The following CNTNAP2 variants were observed in gnomAD, a reference collection of about 807,000 sequenced individuals.
CNTNAP2 encodes the protein contactin associated protein 2.
Under a neutral mutation model 155.2 loss-of-function variants are expected in CNTNAP2, and 98 were observed. The ratio of observed to expected loss-of-function variants is 0.63; its 90% CI spans 0.54 to 0.75. The LOEUF (loss-of-function observed/expected upper bound fraction) is 0.75, where lower values mean the gene tolerates loss of function less well. Ranked by LOEUF, CNTNAP2 falls within the 30% of genes least tolerant of loss-of-function variation. The pLI is 0.00. For missense variants in CNTNAP2, 1,727 were observed against 1,688.1 expected (o/e 1.02, Z -0.40); for synonymous variants, 651 against 631.2 (o/e 1.03, Z -0.47).
At chr7:147,201,136 T>G (rs1379985421) in intron 8 of CNTNAP2, among the ~76,000 whole-genome samples, 1 of 152,172 alleles carries the variant, frequency 6.6e-6, no homozygotes, top group East Asian at 1.9e-4. Context: ...GTTTTGAGGG[T>G]CAGAGAGAGG....
chr7:146,971,847 G>A (rs1016404487), intron 3 of CNTNAP2, among the ~76,000 whole-genome samples: 1 of 152,102 alleles, frequency 6.6e-6, no homozygotes, highest in African/African-American at 2.4e-5. Flanking sequence ...TACAATATAT[G>A]AATTTTGCAT....
intron 11 of CNTNAP2, among the ~76,000 whole-genome samples, chr7:147,537,635 G>A (rs12703926): frequency 0.19 from 29,029 of 151,872 alleles, 3,326 homozygotes; most frequent in South Asian, 0.29. Flanking sequence ...CAATATAAGC[G>A]TGACTTAATT....
chr7:146,846,404 GA>G (rs34258208), intron 3 of CNTNAP2, among the ~76,000 whole-genome samples: 43,140 of 150,368 alleles, frequency 0.29, 6,181 homozygotes, highest in African/African-American at 0.33. Context: ...AACTTGTATA[GA>G]AAAAAAAACA....
chr7:147,051,619 C>T (rs1264086832), intron 4 of CNTNAP2, among the ~76,000 whole-genome samples: 1 of 152,048 alleles, frequency 6.6e-6, no homozygotes, highest in Non-Finnish European at 1.5e-5. Context: ...CTAAGAGACA[C>T]AGAGGTAAGA....
chr7:146,721,035 ATATATTCTATATATATACTC>A (rs1269080442), intron 1 of CNTNAP2, among the ~76,000 whole-genome samples: 5 of 133,574 alleles, frequency 3.7e-5, no homozygotes, highest in Admixed American at 7.8e-5. Context: ...TATATACTCT[ATATATTCTATATATATACTC>A]TATATTCTAT....
chr7:147,926,926 T>C (rs1800407291), intron 14 of CNTNAP2, among the ~76,000 whole-genome samples: 1 of 152,222 alleles, frequency 6.6e-6, no homozygotes, highest in African/African-American at 2.4e-5. Flanking sequence ...TAATTTAAAT[T>C]ATTTATAATT....
At chr7:146,237,252 G>C (rs986132171) in intron 1 of CNTNAP2, among the ~76,000 whole-genome samples, 1 of 152,126 alleles carries the variant, frequency 6.6e-6, no homozygotes, top group Non-Finnish European at 1.5e-5. Context: ...ATACAAAAGG[G>C]AATGTTCTCA....
At chr7:146,252,926 A>T (rs1216633144) in intron 1 of CNTNAP2, among the ~76,000 whole-genome samples, 1 of 152,172 alleles carries the variant, frequency 6.6e-6, no homozygotes, top group Admixed American at 6.5e-5. Flanking sequence ...GGCAAAAGCA[A>T]GGACTCCTGC....
intron 1 of CNTNAP2, among the ~76,000 whole-genome samples, chr7:146,611,274 C>T (rs1475133180): frequency 2.0e-5 from 3 of 152,078 alleles, no homozygotes; most frequent in South Asian, 2.1e-4. Context: ...ATTTTTTTGT[C>T]GATACAGAGT....
At chr7:146,120,641 G>T (rs931866417) in intron 1 of CNTNAP2, among the ~76,000 whole-genome samples, 1 of 152,142 alleles carries the variant, frequency 6.6e-6, no homozygotes, top group African/African-American at 2.4e-5. Flanking sequence ...CCACGTGTAT[G>T]TTGGTGGTTC....
At chr7:146,672,645 C>G (rs1015928683) in intron 1 of CNTNAP2, among the ~76,000 whole-genome samples, 3 of 152,166 alleles carry the variant, frequency 2.0e-5, no homozygotes, top group African/African-American at 4.8e-5. Flanking sequence ...CTTATTATTA[C>G]ACTCAAATGG....
chr7:146,638,284 C>T (rs977140784), intron 1 of CNTNAP2, among the ~76,000 whole-genome samples: 1 of 151,994 alleles, frequency 6.6e-6, no homozygotes, highest in African/African-American at 2.4e-5. Flanking sequence ...GTGTTCAGTT[C>T]CTTGAGGCTC....
chr7:146,588,098 ATAGAATATTG>A (rs1387519369), intron 1 of CNTNAP2, among the ~76,000 whole-genome samples: 1 of 152,112 alleles, frequency 6.6e-6, no homozygotes, highest in Non-Finnish European at 1.5e-5. Flanking sequence ...ACGTTGCCAT[ATAGAATATTG>A]TAGGGAGTCA....
intron 11 of CNTNAP2, among the ~76,000 whole-genome samples, chr7:147,532,750 G>A (rs986338313): frequency 6.6e-6 from 1 of 152,148 alleles, no homozygotes; most frequent in Non-Finnish European, 1.5e-5. Context: ...GCAGCAGCAA[G>A]AGAAAATGAG....
chr7:147,150,704 C>G (rs1432864302), intron 8 of CNTNAP2, among the ~76,000 whole-genome samples: 7 of 152,148 alleles, frequency 4.6e-5, no homozygotes, highest in Admixed American at 4.6e-4. Flanking sequence ...GATTTATTGT[C>G]TACTCCTTGT....
rs1195129641 is a variant in CNTNAP2 at position 148,183,416 on chromosome 7, A to AT, written c.3010+10945dup. 2.0e-5 allele frequency among the ~76,000 whole-genome samples: 3 copies of AT among 150,302 alleles called. No homozygotes were observed. The East Asian group carries it at 5.9e-4, about 29-fold the overall frequency. On this transcript the variant is annotated intron_variant, in intron 18 of 23. Coordinates refer to ENST00000361727, the MANE Select transcript of CNTNAP2 (RefSeq NM_014141.6). Reference sequence around the variant, plus strand: ...AAGACAAAAGTTTTAAAGCATCTCAATTTTTTTAAAATTGTCTTTGAAATA... The same window carrying AT: ...AAGACAAAAGTTTTAAAGCATCTCAATTTTTTTTAAAATTGTCTTTGAAATA...
chr7:147,095,176 C>T (rs914403658), intron 4 of CNTNAP2, among the ~76,000 whole-genome samples: 48 of 145,948 alleles, frequency 3.3e-4, no homozygotes, highest in Admixed American at 2.5e-3. Flanking sequence ...TGCACCACCA[C>T]GCCTGGCTAA....
intron 13 of CNTNAP2, among the ~76,000 whole-genome samples, chr7:147,691,793 G>T (rs1339018387): frequency 1.3e-5 from 2 of 152,040 alleles, no homozygotes; most frequent in African/African-American, 4.8e-5. Flanking sequence ...CACATACTCA[G>T]ACTCCCCTAC....
At chr7:147,704,971 G>C (rs201994595) in intron 13 of CNTNAP2, among the ~76,000 whole-genome samples, 60 of 151,816 alleles carry the variant, frequency 4.0e-4, no homozygotes, top group African/African-American at 1.5e-3. Context: ...TTCTTGGCTT[G>C]TCTAGCTAAC....
Sources: allele counts gnomAD v4.1 joint callset (sites outside exome capture counted in the v4.1 genomes callset), GRCh38; gene constraint gnomAD v4.1.1; transcripts MANE v1.5; gene names NCBI Gene and HGNC (gene_info 2026-07-23, HGNC 2026-07-21).